UBE2Q1: variants seen among roughly 807,000 people sequenced by gnomAD.
The protein encoded by UBE2Q1 is ubiquitin-conjugating enzyme E2 Q1.
UBE2Q1 carries 6 observed loss-of-function variants against 60.1 expected under a neutral mutation model. The observed-to-expected ratio is 0.10, with a 90% CI of 0.05 to 0.20. The LOEUF (loss-of-function observed/expected upper bound fraction) is 0.20, where lower values mean the gene tolerates loss of function less well. Ranked by LOEUF, UBE2Q1 falls within the 10% of genes least tolerant of loss-of-function variation. UBE2Q1 has a pLI of 1.00. For missense variants in UBE2Q1, 262 were observed against 525.8 expected (o/e 0.50, Z 4.91); for synonymous variants, 226 against 208.3 (o/e 1.09, Z -0.73).
At position 154,551,010 on chromosome 1, in the gene UBE2Q1, G is replaced by A; in HGVS notation, c.1171-6C>T. On this transcript the variant is annotated splice_region_variant and splice_polypyrimidine_tract_variant and intron_variant, in intron 11 of 12. Transcript: ENST00000292211. Reference sequence around the variant, plus strand: ...CTTGTCAGACTGTATTGAGACTGGGGAGAGGAAGCCACCAGATCAGGCCAT... The same window carrying A: ...CTTGTCAGACTGTATTGAGACTGGGAAGAGGAAGCCACCAGATCAGGCCAT... 6.2e-7 allele frequency: 1 copy of A among 1,614,032 alleles called. No individual in the cohort carries two copies. Among genetic ancestry groups the A allele is most frequent in the South Asian group, 1.1e-5 (1 of 91,058 alleles).
At chr1:154,554,421 G>A (rs774642904) in intron 4 of UBE2Q1, among the ~76,000 whole-genome samples, 2 of 152,202 alleles carry the variant, frequency 1.3e-5, no homozygotes, top group East Asian at 3.8e-4. Flanking sequence ...TAAGAAAACT[G>A]TAGCTTAGTG....
Position 154,550,405 on chromosome 1 carries a change from G to C in UBE2Q1, c.*33C>G, listed in dbSNP as rs1169752496. The C allele has an allele frequency of 2.5e-6, 4 of 1,613,782 alleles. No individual in the cohort carries two copies. In the Admixed American group the frequency reaches 6.7e-5, roughly 27 times the overall value. On this transcript the variant is annotated 3_prime_UTR_variant, in exon 13 of 13. Transcript: ENST00000292211. ...ATTCAAAGGTAATTGGTCCAGTGGT[G>C]CCTGGGGAGGGAGGAAGGGTGATAC...
At chr1:154,551,658 G>T in intron 10 of UBE2Q1, 113 bp downstream of exon 10, 1 of 1,519,074 alleles carries the variant, frequency 6.6e-7, no homozygotes. Context: ...ACCCAGCCCA[G>T]CAGAATGAAA....
At position 154,558,483 on chromosome 1, in the gene UBE2Q1, G is replaced by A. The variant is rs1213787886; in HGVS notation, c.71C>T (p.Ala24Val). The A allele has an allele frequency of 3.3e-6, 4 of 1,219,266 alleles. No homozygotes were observed. Among genetic ancestry groups the A allele is most frequent in the East Asian group, 3.5e-5 (1 of 28,426 alleles). 75.5% of individuals were successfully genotyped at this position (1,219,266 alleles called of 1,614,324 possible). The change falls in exon 1 of 13, where the codon GCG becomes GTG. Residue 24 changes from alanine to valine, a missense_variant. Physicochemically the swap from Ala to Val is moderately conservative, Grantham distance 64. This residue lies in a region of UBE2Q1 where 70 missense variants were observed against 56.7 expected (regional missense o/e 1.24). Transcript: ENST00000292211. ...CCCTGGGCCGCCCCCGGCCCCCGGC[G>A]CCGCCCCCTGGCCCCCCAGCTGCTG... The part of the protein sequence containing the change: ...PGQQLGGQGA[A>V]PGAGGGPGGG...
chr1:154,555,834 G>A lies in UBE2Q1; in HGVS notation c.432+26C>T, dbSNP rs199689951. ...GGCATGGGCCTCATAAGAACAAAATGTACCCCTACCCTGTGGCCCCCTCAC... is the reference window on the plus strand; with the variant it reads ...GGCATGGGCCTCATAAGAACAAAATATACCCCTACCCTGTGGCCCCCTCAC... On this transcript the variant is annotated intron_variant, in intron 2 of 12. Coordinates refer to ENST00000292211, the MANE Select transcript of UBE2Q1 (RefSeq NM_017582.7). 100 of 1,603,326 alleles carry A rather than the reference G, an allele frequency of 6.2e-5. No individual in the cohort carries two copies. The African/African-American group carries it at 1.2e-3, about 20-fold the overall frequency.
chr1:154,551,319 G>A (rs1374904304), intron 11 of UBE2Q1, 78 bp downstream of exon 11: 2 of 1,466,958 alleles, frequency 1.4e-6, no homozygotes, highest in Admixed American at 1.7e-5. Context: ...CTCTAAAGAA[G>A]GCAGCCTTGG....
chr1:154,552,069 G>A (rs1571007502), intron 8 of UBE2Q1, 24 bp downstream of exon 8: 1 of 1,614,126 alleles, frequency 6.2e-7, no homozygotes, highest in South Asian at 1.1e-5. Context: ...GCCAGAGGGA[G>A]AGACTGGAAA....
intron 1 of UBE2Q1, among the ~76,000 whole-genome samples, chr1:154,556,979 T>C (rs1368086513): frequency 7.9e-5 from 12 of 152,152 alleles, no homozygotes; most frequent in Admixed American, 7.9e-4. Flanking sequence ...AAAATAATTA[T>C]CAAAGATGCC....
chr1:154,554,721 G>A lies in UBE2Q1; in HGVS notation c.588+14C>T. 1 of 1,612,992 alleles carries A rather than the reference G, an allele frequency of 6.2e-7. No homozygotes were observed. The highest frequency in any genetic ancestry group is 8.5e-7 in the Non-Finnish European group (1 of 1,179,184). On this transcript the variant is annotated intron_variant, in intron 4 of 12. Coordinates refer to ENST00000292211, the MANE Select transcript of UBE2Q1 (RefSeq NM_017582.7). ...AGAGCTTCCAGCCAATGCCACCTCA[G>A]GGGGCAAGCCTACCTCAGGCATCTC... is the stretch of plus-strand genomic sequence containing the variant.
intron 1 of UBE2Q1, among the ~76,000 whole-genome samples, chr1:154,557,508 T>C (rs1695913635): frequency 6.6e-6 from 1 of 151,946 alleles, no homozygotes; most frequent in African/African-American, 2.4e-5. Flanking sequence ...TAAATGGGGG[T>C]AGCCCTCGCA....
chr1:154,555,403 G>T, intron 3 of UBE2Q1, 25 bp downstream of exon 3: 1 of 1,603,464 alleles, frequency 6.2e-7, no homozygotes, highest in Non-Finnish European at 8.5e-7. Flanking sequence ...TGCACAACAG[G>T]GCCCGAGGCT....
chr1:154,550,843 A>G, intron 12 of UBE2Q1, 95 bp downstream of exon 12: 2 of 1,604,170 alleles, frequency 1.2e-6, no homozygotes, highest in Non-Finnish European at 1.7e-6. Flanking sequence ...GTTGAGTATC[A>G]GAAACCAAAA....
In UBE2Q1 at chr1:154,550,285, A is replaced by C. The variant is rs1048624507; in HGVS notation, c.*153T>G. 3 of 1,023,366 alleles carry C rather than the reference A, an allele frequency of 2.9e-6. No homozygotes were observed. In the South Asian group the frequency reaches 4.8e-5, roughly 16 times the overall value. 63.4% of individuals were successfully genotyped at this position (1,023,366 alleles called of 1,614,324 possible). ...TGTTTGTTTTTTTTCCTTAGCGTTT[A>C]GAATAGCCATCATTGTCCTGCAATA... On this transcript the variant is annotated 3_prime_UTR_variant, in exon 13 of 13. Transcript: ENST00000292211.
chr1:154,552,860 G>A (rs762579793), intron 5 of UBE2Q1, 40 bp from the exon 6 acceptor site: 5 of 1,609,430 alleles, frequency 3.1e-6, no homozygotes, highest in Middle Eastern at 1.6e-4. Flanking sequence ...TTGGTCGTGT[G>A]GTTTATAAAC....
Position 154,549,842 on chromosome 1 carries a change from TTC to T in UBE2Q1, c.*594_*595del, listed in dbSNP as rs1418247409. The T allele has an allele frequency of 6.6e-6, 1 of 152,492 alleles. No individual in the cohort carries two copies. The highest frequency in any genetic ancestry group is 1.9e-4 in the East Asian group (1 of 5,202). The allele number at this position is 152,492 out of a possible 1,614,324, so 9.4% of individuals were successfully genotyped here. A position where few individuals can be genotyped will look rare whatever the true frequency, so the allele number is the denominator to read the frequency against. On this transcript the variant is annotated 3_prime_UTR_variant, in exon 13 of 13. Coordinates refer to ENST00000292211, the MANE Select transcript of UBE2Q1 (RefSeq NM_017582.7). ...CCAGGTGTGTGCTTCAGCTCCAAGT[TTC>T]TCTTGCTTTAGCAGCAAAATGCGGC...
intron 10 of UBE2Q1, 112 bp from the exon 11 acceptor site, chr1:154,551,604 C>T (rs1046908167): frequency 1.4e-6 from 2 of 1,444,894 alleles, no homozygotes; most frequent in Non-Finnish European, 1.9e-6. Context: ...TGCCCTTTGC[C>T]CCCAGCACTG....
At chr1:154,554,534 C>T (rs767902420) in intron 4 of UBE2Q1, 19 of 467,254 alleles carry the variant, frequency 4.1e-5, no homozygotes, top group African/African-American at 1.4e-4. Flanking sequence ...TGGTTTGAAC[C>T]GCGCTGCACC....
In UBE2Q1 at chr1:154,558,612, GCTCCGCCGCCGCCGCCGCCGCCGC is replaced by G. The variant is rs1695937792; in HGVS notation, c.-83_-60del. The G allele has an allele frequency of 1.1e-6, 1 of 946,254 alleles. No individual in the cohort carries two copies. The highest frequency in any genetic ancestry group is 1.2e-6 in the Non-Finnish European group (1 of 824,330). 58.6% of individuals were successfully genotyped at this position (946,254 alleles called of 1,614,324 possible). ...CGGGAGCCTCCGGCCTGCGCTCCGG[GCTCCGCCGCCGCCGCCGCCGCCGC>G]CGCCGCCGCCGCGGTCCGCACTTCC... On this transcript the variant is annotated 5_prime_UTR_variant, in exon 1 of 13. Transcript: ENST00000292211.
chr1:154,555,817 C>A, intron 2 of UBE2Q1, 43 bp downstream of exon 2: 1 of 1,564,844 alleles, frequency 6.4e-7, no homozygotes, highest in Non-Finnish European at 8.8e-7. Flanking sequence ...GTGGCATGGG[C>A]CTCATAAGAA....
Sources: allele counts gnomAD v4.1 joint callset (sites outside exome capture counted in the v4.1 genomes callset), GRCh38; gene constraint gnomAD v4.1.1; regional missense constraint gnomAD v4.1.1; transcripts MANE v1.5; gene names NCBI Gene and HGNC (gene_info 2026-07-23, HGNC 2026-07-21).